NF2: variants seen among roughly 807,000 people sequenced by gnomAD.
NF2 encodes NF2, moesin-ezrin-radixin like (MERLIN) tumor suppressor.
In NF2, 8 loss-of-function variants were observed where a neutral mutation model predicts 83.7. The observed-to-expected ratio is 0.10, with a 90% CI of 0.06 to 0.17. The LOEUF (loss-of-function observed/expected upper bound fraction) is 0.17, where lower values mean the gene tolerates loss of function less well. Ranked by LOEUF, NF2 falls within the 10% of genes least tolerant of loss-of-function variation. The probability of loss-of-function intolerance (pLI) is 1.00; values close to 1 mark genes in which losing one functional copy is unlikely to be tolerated. For missense variants in NF2, 533 were observed against 744.4 expected, an observed-to-expected ratio of 0.72 and a Z score of 3.31; for synonymous variants, 266 against 269.6, an observed-to-expected ratio of 0.99 and a Z score of 0.13.
intron 10 of NF2, 77 bp downstream of exon 10, chr22:29,668,523 G>A: frequency 9.2e-7 from 1 of 1,081,394 alleles, no homozygotes. Flanking sequence ...GTGGTCATGG[G>A]CTGGCAGGAG....
Position 29,639,201 on chromosome 22 carries a change from T to C in NF2, c.352T>C (p.Phe118Leu). ...GGTTCAGGAGATCACACAACATTTATTCTTCTTACAGGTACATCAGTCAAG... is the reference window on the plus strand; with the variant it reads ...GGTTCAGGAGATCACACAACATTTACTCTTCTTACAGGTACATCAGTCAAG... ...ELVQEITQHL[F>L]FLQVKKQILD... Residue 118 changes from phenylalanine (F) to leucine (L), a missense_variant, in exon 3 of 16, where the codon TTC becomes CTC. Coordinates refer to ENST00000338641, the MANE Select transcript of NF2 (RefSeq NM_000268.4). 6.2e-7 allele frequency: 1 copy of C among 1,614,202 alleles called. No homozygotes were observed. The highest frequency in any genetic ancestry group is 8.5e-7 in the Non-Finnish European group (1 of 1,180,026).
In NF2 at chr22:29,686,003, C is replaced by T. The variant is rs533714139; in HGVS notation, c.1737+4402C>T. Among the ~76,000 whole-genome samples the T allele has an allele frequency of 2.6e-5, 4 of 151,876 alleles. No individual in the cohort carries two copies. The East Asian group carries it at 7.8e-4, about 29-fold the overall frequency. On this transcript the variant is annotated intron_variant, in intron 15 of 15. Coordinates refer to ENST00000338641, the MANE Select transcript of NF2 (RefSeq NM_000268.4). ...TAAGTTCTAGGGTACATGTGCACAA[C>T]GTGCAGGTTTGTTACATATGTATAC...
At chr22:29,605,556 C>T (rs372635880) in intron 1 of NF2, among the ~76,000 whole-genome samples, 1 of 152,194 alleles carries the variant, frequency 6.6e-6, no homozygotes, top group East Asian at 1.9e-4. Flanking sequence ...GCAATCCACT[C>T]GCCTTGGCCT....
intron 8 of NF2, among the ~76,000 whole-genome samples, chr22:29,663,523 G>T (rs1270062679): frequency 6.6e-6 from 1 of 152,220 alleles, no homozygotes; most frequent in Non-Finnish European, 1.5e-5. Flanking sequence ...CTTTGTGTAC[G>T]CCCTGGCATG....
At chr22:29,678,870 C>T (rs1373962765) in intron 14 of NF2, among the ~76,000 whole-genome samples, 1 of 152,210 alleles carries the variant, frequency 6.6e-6, no homozygotes, top group East Asian at 1.9e-4. Context: ...AGCTGCCCTC[C>T]GTCTTCCCTT....
intron 4 of NF2, among the ~76,000 whole-genome samples, chr22:29,653,127 CTG>C (rs1442679172): frequency 2.0e-5 from 3 of 152,090 alleles, no homozygotes; most frequent in Non-Finnish European, 4.4e-5. Context: ...GTTACAAAAA[CTG>C]TGGCATGTTT....
At chr22:29,660,577 T>C (rs2066448173) in intron 7 of NF2, among the ~76,000 whole-genome samples, 2 of 152,216 alleles carry the variant, frequency 1.3e-5, no homozygotes, top group South Asian at 4.1e-4. Context: ...GGGTTTTTTT[T>C]GTTTTGTTTT....
chr22:29,636,728 T>TC lies in NF2; in HGVS notation c.115-19dup. The TC allele has an allele frequency of 6.2e-7, 1 of 1,614,172 alleles. No individual in the cohort carries two copies. The highest frequency in any genetic ancestry group is 1.1e-5 in the South Asian group (1 of 91,084). ...TAATGATTTTTGCTCACAGTGTCCT[T>TC]CCCCATTGGTTTGTTATTGCAGATG... On this transcript the variant is annotated intron_variant, in intron 1 of 15. Coordinates refer to ENST00000338641, the MANE Select transcript of NF2 (RefSeq NM_000268.4). The surrounding 1 kb of genome is among the most constrained non-coding windows in gnomAD (Gnocchi z 4.4).
chr22:29,635,273 A>G (rs1418100844), intron 1 of NF2, among the ~76,000 whole-genome samples: 2 of 152,242 alleles, frequency 1.3e-5, no homozygotes, highest in African/African-American at 4.8e-5. Context: ...ATCAGGTATC[A>G]GAGGTCTAAC....
intron 1 of NF2, among the ~76,000 whole-genome samples, chr22:29,606,961 C>T (rs905078115): frequency 2.0e-5 from 3 of 152,156 alleles, no homozygotes; most frequent in Non-Finnish European, 4.4e-5. Context: ...AGGAAAATCA[C>T]GTGAACTGGG....
intron 1 of NF2, among the ~76,000 whole-genome samples, chr22:29,611,645 A>G (rs1213858856): frequency 6.6e-6 from 1 of 152,250 alleles, no homozygotes; most frequent in East Asian, 1.9e-4. Context: ...AGCCAGGGCA[A>G]TTAGGCAAGA....
At chr22:29,686,360 C>T (rs1418570755) in intron 15 of NF2, among the ~76,000 whole-genome samples, 1 of 152,254 alleles carries the variant, frequency 6.6e-6, no homozygotes, top group East Asian at 1.9e-4. Flanking sequence ...CCATAATTGG[C>T]CGGGCACAGT....
intron 4 of NF2, among the ~76,000 whole-genome samples, chr22:29,648,166 A>ATAAATAAT (rs1555990900): frequency 6.7e-6 from 1 of 148,470 alleles, no homozygotes; most frequent in Non-Finnish European, 1.5e-5. Context: ...AAATAAATAA[A>ATAAATAAT]GTAAAAAAAT....
At chr22:29,658,941 A>T (rs1021992803) in intron 7 of NF2, among the ~76,000 whole-genome samples, 1 of 152,190 alleles carries the variant, frequency 6.6e-6, no homozygotes, top group African/African-American at 2.4e-5. Context: ...TGTTAAAACA[A>T]TGAGGCGGGT....
intron 4 of NF2, among the ~76,000 whole-genome samples, chr22:29,654,303 T>C (rs2245415): frequency 0.36 from 55,291 of 152,110 alleles, 10,969 homozygotes; most frequent in Non-Finnish European, 0.47. Context: ...TCATATGTTG[T>C]TAATCACAAC....
chr22:29,692,557 A>C (rs1434240397), intron 15 of NF2, among the ~76,000 whole-genome samples: 1 of 152,160 alleles, frequency 6.6e-6, no homozygotes, highest in East Asian at 1.9e-4. Flanking sequence ...ACATTGCACA[A>C]ATGGGCAGGA....
intron 12 of NF2, among the ~76,000 whole-genome samples, chr22:29,673,948 TGGG>T (rs2066887013): frequency 6.6e-6 from 1 of 152,110 alleles, no homozygotes; most frequent in Non-Finnish European, 1.5e-5. Context: ...TCTTGGCACA[TGGG>T]GGAGGAGGGC....
At chr22:29,690,713 C>T (rs2067381321) in intron 15 of NF2, among the ~76,000 whole-genome samples, 2 of 152,222 alleles carry the variant, frequency 1.3e-5, no homozygotes, top group Non-Finnish European at 2.9e-5. Flanking sequence ...CTGTGTTATT[C>T]ACACGGCTGA....
At chr22:29,660,803 G>T (rs534978660) in intron 7 of NF2, among the ~76,000 whole-genome samples, 1 of 152,092 alleles carries the variant, frequency 6.6e-6, no homozygotes, top group Admixed American at 6.5e-5. Flanking sequence ...TCCTGACCTC[G>T]TGAACCGCCC....
Sources: gnomAD v4.1 joint callset for allele counts (sites outside exome capture counted in the v4.1 genomes callset) on GRCh38, gnomAD v4.1.1 for gene constraint, Gnocchi (gnomAD v3.1) non-coding constraint, MANE v1.5 for transcripts, NCBI Gene and HGNC (gene_info 2026-07-23, HGNC 2026-07-21) for gene names.